Variants in ZNF891 observed in about 807,000 individuals in gnomAD.
The protein encoded by ZNF891 is zinc finger protein 891.
For synonymous variants in ZNF891, 199 were observed against 209.0 expected, an observed-to-expected ratio of 0.95 and a Z score of 0.41; for missense variants, 589 against 632.7, an observed-to-expected ratio of 0.93 and a Z score of 0.74.
rs1375295605 is a variant in ZNF891, at chr12:133,120,320, TATA to T, written c.1596_1598del (p.Ile533del). 2.3e-5 allele frequency: 35 copies of T among 1,554,046 alleles called. No individual in the cohort carries two copies. The highest frequency in any genetic ancestry group is 8.2e-5 in the African/African-American group (6 of 73,180). The stretch of plus-strand genomic sequence containing the variant: ...CTCTCTCAGTATGAATTCTCTTGTG[TATA>T]ATAAGTGAAGAGCTCTGACTGAAGG... On this transcript the variant is annotated inframe_deletion, in exon 2 of 2. Coordinates refer to ENST00000537226, the MANE Select transcript of ZNF891 (RefSeq NM_001277291.2).
At chr12:133,129,638 CTG>C (rs1361202564) in intron 1 of ZNF891, among the ~76,000 whole-genome samples, 2 of 151,990 alleles carry the variant, frequency 1.3e-5, no homozygotes, top group Admixed American at 1.3e-4. Flanking sequence ...AGAAGAGAGA[CTG>C]TGCTGTCCAA....
In ZNF891 at chr12:133,108,050, T is replaced by C. The variant is rs1229919399; in HGVS notation, c.*12234A>G. ...GAAGTGTATTTCCTCAAACCTGCCA[T>C]TGGCATGCCATATTGGTACATACAT... On this transcript the variant is annotated 3_prime_UTR_variant, in exon 2 of 2. Coordinates refer to ENST00000537226, the MANE Select transcript of ZNF891 (RefSeq NM_001277291.2). 6 of 152,206 alleles carry C rather than the reference T, an allele frequency of 3.9e-5. No individual in the cohort carries two copies. The highest frequency in any genetic ancestry group is 3.8e-4 in the East Asian group (2 of 5,200). 9.4% of individuals were successfully genotyped at this position (152,206 alleles called of 1,614,324 possible).
intron 1 of ZNF891, among the ~76,000 whole-genome samples, chr12:133,127,438 C>A (rs1955828473): frequency 6.6e-6 from 1 of 152,198 alleles, no homozygotes; most frequent in Non-Finnish European, 1.5e-5. Context: ...TAGGACTTCT[C>A]AACAGTAACA....
At chr12:133,127,198 C>A (rs957794958) in intron 1 of ZNF891, among the ~76,000 whole-genome samples, 9 of 152,062 alleles carry the variant, frequency 5.9e-5, no homozygotes, top group South Asian at 2.1e-4. Context: ...AACTCCTGAC[C>A]TCATGATCCA....
At position 133,104,920 on chromosome 12, in the gene ZNF891, A is replaced by C. The variant is rs1955532737; in HGVS notation, c.*15364T>G. 6.6e-6 allele frequency among the ~76,000 whole-genome samples: 1 copy of C among 152,162 alleles called. No homozygotes were observed. The highest frequency in any genetic ancestry group is 1.9e-4 in the East Asian group (1 of 5,186). On this transcript the variant is annotated 3_prime_UTR_variant, in exon 2 of 2. Transcript: ENST00000537226. ...CCAGGTAATCAGCATAATGCCCAAT[A>C]GTCAGGTTTTTAATCCTTACCCTCC...
In ZNF891 at chr12:133,113,833, C is replaced by T. The variant is rs552133633; in HGVS notation, c.*6451G>A. The T allele has an allele frequency of 3.0e-4, 45 of 152,360 alleles. No homozygotes were observed. Among genetic ancestry groups the T allele is most frequent in the African/African-American group, 1.0e-3 (43 of 41,550 alleles). The allele number at this position is 152,360 out of a possible 1,614,324, so 9.4% of individuals were successfully genotyped here. On this transcript the variant is annotated 3_prime_UTR_variant, in exon 2 of 2. Transcript: ENST00000537226. ...CCCCACTGCAGCTCAAGTGATCCTCCTACCCCAGCATCCCTAGTGGCTGGG... is the reference window on the plus strand; with the variant it reads ...CCCCACTGCAGCTCAAGTGATCCTCTTACCCCAGCATCCCTAGTGGCTGGG...
At chr12:133,130,061 T>G (rs11608885) in intron 1 of ZNF891, among the ~76,000 whole-genome samples, 166 bp downstream of exon 1, 28,398 of 151,864 alleles carry the variant, frequency 0.19, 3,400 homozygotes, top group Non-Finnish European at 0.26. Flanking sequence ...ACCCGGTAAG[T>G]AGCCCCTCCT....
chr12:133,122,076 CCCACTTGGGGA>C (rs1955768838), intron 1 of ZNF891, 52 bp from the exon 2 acceptor site: 2 of 1,399,492 alleles, frequency 1.4e-6, no homozygotes, highest in Non-Finnish European at 1.9e-6. Flanking sequence ...GAAACAGGGC[CCCACTTGGGGA>C]AAGGTGAATA....
rs1183881757 is a variant in ZNF891 at position 133,111,235 on chromosome 12, A to G, written c.*9049T>C. 2 of 152,098 alleles carry G rather than the reference A, an allele frequency of 1.3e-5. No homozygotes were observed. The highest frequency in any genetic ancestry group is 4.8e-5 in the African/African-American group (2 of 41,426). 9.4% of individuals were successfully genotyped at this position (152,098 alleles called of 1,614,324 possible). A position where few individuals can be genotyped will look rare whatever the true frequency, so the allele number is the denominator to read the frequency against. On this transcript the variant is annotated 3_prime_UTR_variant, in exon 2 of 2. Coordinates refer to ENST00000537226, the MANE Select transcript of ZNF891 (RefSeq NM_001277291.2). ...GAAACAAAACAAAAAAAAATAAATT[A>G]TGTAACCCAGCACTTTGGGAGGCCA...
intron 1 of ZNF891, among the ~76,000 whole-genome samples, chr12:133,128,635 A>AAAAC (rs756200391): frequency 1.9e-4 from 29 of 152,128 alleles, no homozygotes; most frequent in African/African-American, 6.8e-4. Flanking sequence ...CTCTGTCTCA[A>AAAAC]AAACAAACAA....
intron 1 of ZNF891, among the ~76,000 whole-genome samples, chr12:133,127,533 G>A (rs558366978): frequency 3.3e-5 from 5 of 152,158 alleles, no homozygotes; most frequent in East Asian, 1.9e-4. Flanking sequence ...GTGTATACTC[G>A]GTGAAAACAC....
In ZNF891 at chr12:133,120,372, T is replaced by C. The variant is rs1955743297; in HGVS notation, c.1547A>G (p.Tyr516Cys). ...GGCTTTTCCACATTGAATACATTCA[T>C]AGGGTTTCTCTCCAGTGTGAATTCT... ...HVRIHTGEKP[Y>C]ECIQCGKAFS... is the part of the protein sequence containing the mutation. Residue 516 changes from tyrosine (Y) to cysteine (C), a missense_variant, in exon 2 of 2, where the codon TAT (tyrosine) becomes TGT (cysteine). Transcript: ENST00000537226. The C allele has an allele frequency of 1.3e-6, 2 of 1,591,588 alleles. No homozygotes were observed. Among genetic ancestry groups the C allele is most frequent in the East Asian group, 2.3e-5 (1 of 43,850 alleles).
chr12:133,105,513 C>T lies in ZNF891; in HGVS notation c.*14771G>A. 4.4e-6 allele frequency: 7 copies of T among 1,578,642 alleles called. No homozygotes were observed. Among genetic ancestry groups the T allele is most frequent in the Non-Finnish European group, 6.0e-6 (7 of 1,165,620 alleles). ...CTTTTTTTTTGGTATCTTTCAGTTT[C>T]AGAGTCAAGTGGTGAGATCAAAGAC... On this transcript the variant is annotated 3_prime_UTR_variant, in exon 2 of 2. Coordinates refer to ENST00000537226, the MANE Select transcript of ZNF891 (RefSeq NM_001277291.2).
chr12:133,129,183 A>T (rs1280924612), intron 1 of ZNF891, among the ~76,000 whole-genome samples: 1 of 152,156 alleles, frequency 6.6e-6, no homozygotes, highest in Admixed American at 6.5e-5. Context: ...CGAACTAAAA[A>T]ACCTAATCAA....
chr12:133,120,823 G>A lies in ZNF891; in HGVS notation c.1096C>T (p.His366Tyr), dbSNP rs1348188519. 2 of 1,563,094 alleles carry A rather than the reference G, an allele frequency of 1.3e-6. No individual in the cohort carries two copies. The highest frequency in any genetic ancestry group is 1.7e-6 in the Non-Finnish European group (2 of 1,155,674). The change falls in exon 2 of 2, where the codon CAT becomes TAT. Residue 366 changes from histidine (H) to tyrosine (Y), a missense_variant. Physicochemically the swap from His to Tyr is moderately conservative, Grantham distance 83. Coordinates refer to ENST00000537226, the MANE Select transcript of ZNF891 (RefSeq NM_001277291.2). ...TTCTCTCCAGTGTGAGTTCTTACATGTCTCCTTAAGGTTGAGGAATCATTG... is the reference window on the plus strand; with the variant it reads ...TTCTCTCCAGTGTGAGTTCTTACATATCTCCTTAAGGTTGAGGAATCATTG... Reference protein sequence around the residue: ...VFNDSSTLRRHVRTHTGEKPY... With the variant: ...VFNDSSTLRRYVRTHTGEKPY...
intron 1 of ZNF891, chr12:133,125,985 C>T (rs1442051379): frequency 5.3e-6 from 2 of 379,458 alleles, no homozygotes; most frequent in Non-Finnish European, 1.0e-5. Context: ...TAAATATGTA[C>T]ATCTTCTCAT....
chr12:133,126,427 TC>T (rs1202345318), intron 1 of ZNF891, among the ~76,000 whole-genome samples: 1 of 140,380 alleles, frequency 7.1e-6, no homozygotes, highest in African/African-American at 2.7e-5. Context: ...TGAGCCGAGG[TC>T]GTACCACTGC....
Position 133,105,798 on chromosome 12 carries a change from T to C in ZNF891, c.*14486A>G. The C allele has an allele frequency of 6.2e-7, 1 of 1,614,184 alleles. No individual in the cohort carries two copies. Among genetic ancestry groups the C allele is most frequent in the East Asian group, 2.2e-5 (1 of 44,886 alleles). ...TGTGGAAAAACTTTTGGTCGACGCT[T>C]TTCCCTGGTGTTACACCAGAGGACT... On this transcript the variant is annotated 3_prime_UTR_variant, in exon 2 of 2. Coordinates refer to ENST00000537226, the MANE Select transcript of ZNF891 (RefSeq NM_001277291.2).
Position 133,110,290 on chromosome 12 carries a change from GCT to G in ZNF891, c.*9992_*9993del, listed in dbSNP as rs1955673844. ...CAAAAGTAGTAAAAGTATTAATTTG[GCT>G]CTCATGATCTGGGGACTGGTTAAGT... On this transcript the variant is annotated 3_prime_UTR_variant, in exon 2 of 2. Coordinates refer to ENST00000537226, the MANE Select transcript of ZNF891 (RefSeq NM_001277291.2). 1 of 152,170 alleles carries G rather than the reference GCT, an allele frequency of 6.6e-6. No individual in the cohort carries two copies. Among genetic ancestry groups the G allele is most frequent in the Non-Finnish European group, 1.5e-5 (1 of 68,026 alleles). 9.4% of individuals were successfully genotyped at this position (152,170 alleles called of 1,614,324 possible).
Sources: gnomAD v4.1 joint callset for allele counts (sites outside exome capture counted in the v4.1 genomes callset) on GRCh38, gnomAD v4.1.1 for gene constraint, MANE v1.5 for transcripts, NCBI Gene and HGNC (gene_info 2026-07-23, HGNC 2026-07-21) for gene names.